PRIM1: variants seen among roughly 807,000 people sequenced by gnomAD.
PRIM1 encodes DNA primase subunit 1.
A neutral mutation model predicts 60.2 loss-of-function variants in PRIM1; 38 were observed. That is an observed-to-expected ratio of 0.63 (90% CI 0.49 to 0.83). PRIM1 has a LOEUF of 0.83. Among genes scored for constraint, PRIM1 ranks in the 40% least tolerant of loss-of-function variants. PRIM1 has a pLI of 0.00. For synonymous variants in PRIM1, 158 were observed against 160.2 expected, an observed-to-expected ratio of 0.99 and a Z score of 0.10; for missense variants, 388 against 506.2, an observed-to-expected ratio of 0.77 and a Z score of 2.24.
intron 12 of PRIM1, 37 bp downstream of exon 12, chr12:56,734,110 A>C (rs765031580): frequency 4.9e-6 from 7 of 1,421,460 alleles, no homozygotes; most frequent in Admixed American, 4.1e-5. Context: ...TAATAATAAG[A>C]TCTAACTAGA....
At chr12:56,735,388 G>A (rs1329499727) in intron 11 of PRIM1, among the ~76,000 whole-genome samples, 2 of 151,434 alleles carry the variant, frequency 1.3e-5, no homozygotes, top group South Asian at 4.2e-4. Context: ...GTGAGCCACC[G>A]TGCCCGGCCC....
chr12:56,737,900 T>C (rs925376039), intron 11 of PRIM1, among the ~76,000 whole-genome samples: 1 of 152,146 alleles, frequency 6.6e-6, no homozygotes, highest in Admixed American at 6.5e-5. Context: ...GATTTTTGTA[T>C]ATTTAGCAGA....
chr12:56,747,728 G>C (rs1217315029), intron 2 of PRIM1, among the ~76,000 whole-genome samples: 1 of 152,148 alleles, frequency 6.6e-6, no homozygotes, highest in Non-Finnish European at 1.5e-5. Context: ...CTGGGTGACA[G>C]AGCGAGACTC....
intron 5 of PRIM1, 85 bp downstream of exon 5, chr12:56,745,960 T>C (rs1334256860): frequency 7.4e-7 from 1 of 1,356,034 alleles, no homozygotes; most frequent in East Asian, 2.5e-5. Flanking sequence ...AAAAAGATAG[T>C]TTCATTTTCT....
chr12:56,747,344 AGGTGT>A (rs1953915206), intron 2 of PRIM1, among the ~76,000 whole-genome samples: 1 of 152,136 alleles, frequency 6.6e-6, no homozygotes, highest in Non-Finnish European at 1.5e-5. Flanking sequence ...GCCTATTGCA[AGGTGT>A]TTTAAGAACC....
chr12:56,738,584 G>A (rs943169150), intron 10 of PRIM1, 59 bp from the exon 11 acceptor site: 1 of 1,516,116 alleles, frequency 6.6e-7, no homozygotes, highest in African/African-American at 1.4e-5. Context: ...ACGGAGTCTT[G>A]CTCTGTTGCC....
rs974169883 is a variant in PRIM1, at chr12:56,747,028, T to C, written c.266A>G (p.Asn89Ser). The C allele has an allele frequency of 1.2e-6, 2 of 1,608,572 alleles. No homozygotes were observed. The highest frequency in any genetic ancestry group is 1.1e-5 in the South Asian group (1 of 90,554). Residue 89 changes from asparagine to serine, a missense_variant, in exon 3 of 13, where the codon AAT (asparagine) becomes AGT (serine). Coordinates refer to ENST00000338193, the MANE Select transcript of PRIM1 (RefSeq NM_000946.3). Reference protein sequence around the residue: ...DIGAVYSHRPNQHNTVKLGAF... With the variant: ...DIGAVYSHRPSQHNTVKLGAF... ...TCCCAGCTTCACTGTATTGTGTTGA[T>C]TGGGCTACAGATACAAAATATTGAT...
Position 56,739,291 on chromosome 12 carries a change from T to C in PRIM1, c.1052+3A>G, listed in dbSNP as rs371126475. On this transcript the variant is annotated splice_donor_region_variant and intron_variant, in intron 10 of 12. Transcript: ENST00000338193. ...AAGGAGTGATCAATGATCTGAAACA[T>C]ACCTTATGGTCGGAACAGTAAATGG... 1.5e-4 allele frequency: 232 copies of C among 1,551,186 alleles called. No homozygotes were observed. The highest frequency in any genetic ancestry group is 2.0e-4 in the Non-Finnish European group (223 of 1,138,466).
chr12:56,747,848 CAGTA>C lies in PRIM1; in HGVS notation c.262-820_262-817del, dbSNP rs111270748. ...TTCATAAAACTAAATCTTAGGCTGT[CAGTA>C]AGGAAAGATAAGAGGCGCAACCCAA... is the stretch of plus-strand genomic sequence containing the variant. On this transcript the variant is annotated intron_variant, in intron 2 of 12. Transcript: ENST00000338193. Among the ~76,000 whole-genome samples the C allele has an allele frequency of 2.8e-3, 423 of 152,180 alleles. 2 individuals are homozygous for C. Among genetic ancestry groups the C allele is most frequent in the African/African-American group, 9.9e-3 (412 of 41,518 alleles).
At chr12:56,734,339 T>C in intron 11 of PRIM1, 94 bp from the exon 12 acceptor site, 1 of 709,926 alleles carries the variant, frequency 1.4e-6, no homozygotes, top group Non-Finnish European at 2.3e-6. Flanking sequence ...TCTCTAGGGC[T>C]GCCCAATTGA....
intron 6 of PRIM1, 126 bp from the exon 7 acceptor site, chr12:56,743,222 A>T (rs749260424): frequency 2.6e-6 from 3 of 1,136,630 alleles, no homozygotes; most frequent in South Asian, 1.9e-5. Context: ...TTAACTAGGT[A>T]AAATGGGAAT....
intron 9 of PRIM1, among the ~76,000 whole-genome samples, chr12:56,740,977 C>A (rs1953868880): frequency 6.6e-6 from 1 of 152,038 alleles, no homozygotes; most frequent in East Asian, 1.9e-4. Flanking sequence ...CCACGTCTAG[C>A]TAATTTTTGT....
chr12:56,736,315 A>G (rs1022375771), intron 11 of PRIM1, among the ~76,000 whole-genome samples: 8 of 148,940 alleles, frequency 5.4e-5, no homozygotes, highest in Non-Finnish European at 1.2e-4. Context: ...AAAAAAAAAA[A>G]AAAAAAAAAA....
At chr12:56,735,659 T>C (rs1452954401) in intron 11 of PRIM1, among the ~76,000 whole-genome samples, 1 of 151,892 alleles carries the variant, frequency 6.6e-6, no homozygotes, top group Non-Finnish European at 1.5e-5. Context: ...ATTCTTGTTT[T>C]TTTTTTTTTG....
At chr12:56,735,216 A>T (rs1953818148) in intron 11 of PRIM1, among the ~76,000 whole-genome samples, 1 of 151,568 alleles carries the variant, frequency 6.6e-6, no homozygotes, top group African/African-American at 2.4e-5. Flanking sequence ...CTCCTGCCTC[A>T]GCCTCCTGAG....
chr12:56,746,996 G>C lies in PRIM1; in HGVS notation c.298C>G (p.Gln100Glu). 6.2e-7 allele frequency: 1 copy of C among 1,613,628 alleles called. No homozygotes were observed. Among genetic ancestry groups the C allele is most frequent in the South Asian group, 1.1e-5 (1 of 90,996 alleles). The change falls in exon 3 of 13, where the codon CAG becomes GAG. Residue 100 changes from glutamine (Q) to glutamate (E), a missense_variant. By Grantham distance (29) the Gln-to-Glu change is conservative (BLOSUM62 2). This residue lies in a region of PRIM1 where 156 missense variants were observed against 175.8 expected (regional missense o/e 0.89). Transcript: ENST00000338193. Reference protein sequence around the residue: ...QHNTVKLGAFQAQEKELVFDI... With the variant: ...QHNTVKLGAFEAQEKELVFDI... ...AATACCAGTTCTTTTTCCTGAGCCT[G>C]GAAAGCTCCCAGCTTCACTGTATTG...
intron 6 of PRIM1, 99 bp from the exon 7 acceptor site, chr12:56,743,195 C>A: frequency 1.5e-6 from 2 of 1,330,172 alleles, no homozygotes; most frequent in Non-Finnish European, 1.9e-6. Flanking sequence ...TGCTTATTTT[C>A]ATGACATTTT....
intron 5 of PRIM1, among the ~76,000 whole-genome samples, chr12:56,744,480 C>T (rs964054813): frequency 6.0e-5 from 9 of 151,158 alleles, no homozygotes; most frequent in Non-Finnish European, 1.0e-4. Flanking sequence ...GTGACAAGAG[C>T]GAGACTCCAT....
intron 1 of PRIM1, 183 bp downstream of exon 1, chr12:56,752,013 C>G: frequency 2.1e-5 from 3 of 139,924 alleles, no homozygotes; most frequent in Non-Finnish European, 1.4e-5. Flanking sequence ...CGCAGGCTGG[C>G]TTATTATATC....
Sources: gnomAD v4.1 joint callset for allele counts (sites outside exome capture counted in the v4.1 genomes callset) on GRCh38, gnomAD v4.1.1 for gene constraint, gnomAD v4.1.1 regional missense constraint, MANE v1.5 for transcripts, NCBI Gene and HGNC (gene_info 2026-07-23, HGNC 2026-07-21) for gene names.